Variants in RPRD2 observed in about 807,000 individuals in gnomAD.
RPRD2 encodes the protein regulation of nuclear pre-mRNA domain containing 2.
Under a neutral mutation model 104.4 loss-of-function variants are expected in RPRD2, and 12 were observed. The ratio of observed to expected loss-of-function variants is 0.11; its 90% CI spans 0.07 to 0.19. RPRD2 has a LOEUF of 0.19. Ranked by LOEUF, RPRD2 falls within the 10% of genes least tolerant of loss-of-function variation. The pLI is 1.00. For missense variants in RPRD2, 1,543 were observed against 1,790.1 expected (o/e 0.86, Z 2.49); for synonymous variants, 714 against 684.9 (o/e 1.04, Z -0.66).
intron 1 of RPRD2, among the ~76,000 whole-genome samples, chr1:150,382,094 A>G (rs760213761): frequency 6.6e-6 from 1 of 152,224 alleles, no homozygotes; most frequent in East Asian, 1.9e-4. Flanking sequence ...ATATACAGTT[A>G]TTATAACGTT....
intron 2 of RPRD2, among the ~76,000 whole-genome samples, chr1:150,422,859 G>A (rs975996914): frequency 5.9e-5 from 9 of 152,052 alleles, no homozygotes; most frequent in African/African-American, 1.9e-4. Flanking sequence ...GTGGACTCAC[G>A]GCCACATGTT....
intron 4 of RPRD2, among the ~76,000 whole-genome samples, chr1:150,442,811 A>G (rs1553894745): frequency 1.6e-4 from 25 of 152,206 alleles, no homozygotes; most frequent in Non-Finnish European, 1.5e-5. Context: ...TTCAAAGGAT[A>G]AATTTATAGG....
chr1:150,429,348 T>C (rs938193827), intron 2 of RPRD2, among the ~76,000 whole-genome samples: 6 of 151,872 alleles, frequency 4.0e-5, no homozygotes, highest in African/African-American at 1.5e-4. Context: ...AGTGTTAGGA[T>C]TACAGGTGTG....
chr1:150,422,899 G>C (rs1330416339), intron 2 of RPRD2, among the ~76,000 whole-genome samples: 2 of 152,176 alleles, frequency 1.3e-5, no homozygotes, highest in African/African-American at 4.8e-5. Context: ...GGGAAAGTAG[G>C]ACTTTCAGAT....
At position 150,473,532 on chromosome 1, in the gene RPRD2, C is replaced by A. The variant is rs1345854305; in HGVS notation, c.*198C>A. The A allele has an allele frequency of 2.9e-4, 86 of 299,556 alleles. No homozygotes were observed. In the Middle Eastern group the frequency reaches 6.7e-3, roughly 23 times the overall value. 18.6% of individuals were successfully genotyped at this position (299,556 alleles called of 1,614,324 possible). On this transcript the variant is annotated 3_prime_UTR_variant, in exon 11 of 11. Coordinates refer to ENST00000369068, the MANE Select transcript of RPRD2 (RefSeq NM_015203.5). ...CAATCCTCCCTCCCATTGCACTTAT[C>A]TACCTTCCCCAAGTTGTTTGTATTA...
chr1:150,398,883 A>G (rs782072840), intron 1 of RPRD2, among the ~76,000 whole-genome samples: 2 of 152,130 alleles, frequency 1.3e-5, no homozygotes, highest in Admixed American at 6.6e-5. Context: ...CTTAATTTTG[A>G]TGAAGTCCAG....
chr1:150,395,762 G>A lies in RPRD2; in HGVS notation c.206-21834G>A, dbSNP rs1176568126. Among the ~76,000 whole-genome samples the A allele has an allele frequency of 4.6e-5, 7 of 152,140 alleles. 1 individual carries two copies. The South Asian group carries it at 6.2e-4, about 14-fold the overall frequency. ...CTGACCTCGTGATCTGCCTGCCTCC[G>A]CCTCCCAAAGTGCTGGGATTACAGG... On this transcript the variant is annotated intron_variant, in intron 1 of 10. Coordinates refer to ENST00000369068, the MANE Select transcript of RPRD2 (RefSeq NM_015203.5).
At chr1:150,411,032 A>AT (rs1420471029) in intron 1 of RPRD2, among the ~76,000 whole-genome samples, 1 of 151,832 alleles carries the variant, frequency 6.6e-6, no homozygotes, top group Non-Finnish European at 1.5e-5. Flanking sequence ...CTAACTTAAA[A>AT]TTTTTTTTTG....
chr1:150,397,249 C>G (rs1376460558), intron 1 of RPRD2, among the ~76,000 whole-genome samples: 1 of 152,208 alleles, frequency 6.6e-6, no homozygotes, highest in Non-Finnish European at 1.5e-5. Context: ...GCTGGGATTA[C>G]AGGCGTCAGC....
At chr1:150,368,964 A>C (rs1553877711) in intron 1 of RPRD2, among the ~76,000 whole-genome samples, 1 of 152,132 alleles carries the variant, frequency 6.6e-6, no homozygotes, top group African/African-American at 2.4e-5. Context: ...TTTTCAGTAT[A>C]TGATATTACC....
chr1:150,379,523 C>T (rs1660974835), intron 1 of RPRD2, among the ~76,000 whole-genome samples: 1 of 151,990 alleles, frequency 6.6e-6, no homozygotes. Flanking sequence ...CTGCCTCAGC[C>T]TCCTGAGTAG....
intron 1 of RPRD2, among the ~76,000 whole-genome samples, chr1:150,369,776 T>A (rs1305170722): frequency 7.3e-6 from 1 of 137,584 alleles, no homozygotes; most frequent in Non-Finnish European, 1.6e-5. Flanking sequence ...CTAATTTTTA[T>A]GTTTTTGTTT....
chr1:150,417,497 A>G (rs2102276411), intron 1 of RPRD2, 99 bp from the exon 2 acceptor site: 1 of 995,426 alleles, frequency 1.0e-6, no homozygotes, highest in African/African-American at 1.6e-5. Context: ...AGAAAAAAAA[A>G]ATAACCAGTT....
chr1:150,435,091 T>C (rs1423999317), intron 2 of RPRD2, among the ~76,000 whole-genome samples: 2 of 152,240 alleles, frequency 1.3e-5, no homozygotes, highest in East Asian at 3.8e-4. Flanking sequence ...AAATTTTTAT[T>C]GTATCTGTTA....
intron 1 of RPRD2, among the ~76,000 whole-genome samples, chr1:150,387,752 C>G (rs1017786701): frequency 3.3e-5 from 5 of 150,250 alleles, no homozygotes; most frequent in African/African-American, 1.2e-4. Flanking sequence ...CCATGACACC[C>G]GGCTAATTTT....
At chr1:150,390,192 A>T (rs1572378922) in intron 1 of RPRD2, among the ~76,000 whole-genome samples, 1 of 152,168 alleles carries the variant, frequency 6.6e-6, no homozygotes, top group East Asian at 1.9e-4. Context: ...AAATAATAAG[A>T]TATGAAATAT....
At chr1:150,406,241 G>T (rs977719165) in intron 1 of RPRD2, among the ~76,000 whole-genome samples, 4 of 152,130 alleles carry the variant, frequency 2.6e-5, no homozygotes, top group African/African-American at 9.7e-5. Flanking sequence ...TGTTTCCGTT[G>T]ACAGCAGTCA....
chr1:150,430,547 T>C (rs1471795856), intron 2 of RPRD2, among the ~76,000 whole-genome samples: 1 of 152,108 alleles, frequency 6.6e-6, no homozygotes, highest in Non-Finnish European at 1.5e-5. Context: ...GTACTTACAG[T>C]CCCAGCTACT....
At chr1:150,382,106 T>C (rs1334811240) in intron 1 of RPRD2, among the ~76,000 whole-genome samples, 1 of 152,210 alleles carries the variant, frequency 6.6e-6, no homozygotes, top group Non-Finnish European at 1.5e-5. Context: ...TATAACGTTT[T>C]ATGCAGGCCT....
Sources: allele counts gnomAD v4.1 joint callset (sites outside exome capture counted in the v4.1 genomes callset), GRCh38; gene constraint gnomAD v4.1.1; transcripts MANE v1.5; gene names NCBI Gene and HGNC (gene_info 2026-07-23, HGNC 2026-07-21).